IGF1R: variants seen among roughly 807,000 people sequenced by gnomAD.
The protein encoded by IGF1R is insulin-like growth factor 1 receptor.
In IGF1R, 44 loss-of-function variants were observed where a neutral mutation model predicts 144.6. The observed-to-expected ratio is 0.30, with a 90% confidence interval of 0.24 to 0.39. The LOEUF is 0.39. IGF1R is among the 10% of genes least tolerant of loss of function. The probability of loss-of-function intolerance (pLI) is 1.00; values close to 1 mark genes in which losing one functional copy is unlikely to be tolerated. For synonymous variants in IGF1R, 795 were observed against 722.8 expected (o/e 1.10, Z -1.60); for missense variants, 1,355 against 1,833.7 (o/e 0.74, Z 4.77).
At chr15:98,766,145 C>T (rs953507683) in intron 2 of IGF1R, among the ~76,000 whole-genome samples, 1 of 152,226 alleles carries the variant, frequency 6.6e-6, no homozygotes, top group Non-Finnish European at 1.5e-5. Context: ...GTCAAGTGTG[C>T]TTCATTCTTC....
intron 17 of IGF1R, among the ~76,000 whole-genome samples, chr15:98,937,247 G>A (rs528903551): frequency 2.6e-5 from 4 of 152,286 alleles, no homozygotes; most frequent in Admixed American, 2.6e-4. Flanking sequence ...ATAGGTGACT[G>A]GAGATCTGGC....
intron 2 of IGF1R, among the ~76,000 whole-genome samples, chr15:98,784,061 G>T (rs544422176): frequency 3.2e-5 from 4 of 123,864 alleles, no homozygotes; most frequent in African/African-American, 1.2e-4. Flanking sequence ...TGCAGCCTCT[G>T]GCTTCCGGGT....
chr15:98,903,309 AAAG>A (rs1245606882), intron 5 of IGF1R, among the ~76,000 whole-genome samples: 1 of 152,234 alleles, frequency 6.6e-6, no homozygotes, highest in African/African-American at 2.4e-5. Context: ...GTTGCCTTGA[AAAG>A]AAGAAGGAAA....
chr15:98,955,748 C>T (rs2016954119), intron 20 of IGF1R, among the ~76,000 whole-genome samples: 2 of 152,350 alleles, frequency 1.3e-5, no homozygotes, highest in South Asian at 4.1e-4. Context: ...GGGGCCTCCC[C>T]TTGGAATGTT....
chr15:98,840,639 C>A (rs942617250), intron 2 of IGF1R, among the ~76,000 whole-genome samples: 1 of 150,924 alleles, frequency 6.6e-6, no homozygotes, highest in Non-Finnish European at 1.5e-5. Context: ...GATGGGGTCT[C>A]ATTTTGTTGT....
intron 2 of IGF1R, among the ~76,000 whole-genome samples, chr15:98,734,990 CCTT>C (rs1228073983): frequency 2.0e-5 from 3 of 152,076 alleles, no homozygotes; most frequent in Non-Finnish European, 2.9e-5. Flanking sequence ...GTAGCGGTAT[CCTT>C]CTTATTTCTG....
intron 2 of IGF1R, among the ~76,000 whole-genome samples, chr15:98,864,271 A>T (rs987613817): frequency 6.6e-6 from 1 of 152,228 alleles, no homozygotes. Flanking sequence ...ATAGGCAAAC[A>T]TTACCAACAT....
At chr15:98,821,193 C>G (rs118076716) in intron 2 of IGF1R, among the ~76,000 whole-genome samples, 1 of 152,084 alleles carries the variant, frequency 6.6e-6, no homozygotes, top group Non-Finnish European at 1.5e-5. Flanking sequence ...TGGTGTGAGA[C>G]GCGCTACATT....
Position 98,915,853 on chromosome 15 carries a change from T to C in IGF1R, c.1829-111T>C, listed in dbSNP as rs1473566813. 1.0e-5 allele frequency: 10 copies of C among 955,318 alleles called. No individual in the cohort carries two copies. In the Admixed American group the frequency reaches 1.4e-4, roughly 13 times the overall value. 59.2% of individuals were successfully genotyped at this position (955,318 alleles called of 1,614,324 possible). ...CTTTGTATTTCATTGTTCATTGTTA[T>C]TTTCTTATCCAGGTCAAACTGGCAG... On this transcript the variant is annotated intron_variant, in intron 8 of 20. Coordinates refer to ENST00000650285, the MANE Select transcript of IGF1R (RefSeq NM_000875.5).
At chr15:98,770,924 G>A (rs1189162065) in intron 2 of IGF1R, among the ~76,000 whole-genome samples, 2 of 152,144 alleles carry the variant, frequency 1.3e-5, no homozygotes, top group Non-Finnish European at 2.9e-5. Flanking sequence ...AGAGACTTCT[G>A]ATCCCTAAAA....
chr15:98,904,450 G>A (rs1284323655), intron 5 of IGF1R, among the ~76,000 whole-genome samples: 1 of 152,180 alleles, frequency 6.6e-6, no homozygotes, highest in East Asian at 1.9e-4. Flanking sequence ...ATATCTGTAT[G>A]GTGCCTGGTT....
chr15:98,687,324 A>G (rs550165754), intron 1 of IGF1R, among the ~76,000 whole-genome samples: 2 of 152,278 alleles, frequency 1.3e-5, no homozygotes, highest in East Asian at 1.9e-4. Flanking sequence ...GGCGAGTGTT[A>G]AAGGCCTGGC....
chr15:98,747,661 A>C (rs1198907026), intron 2 of IGF1R, among the ~76,000 whole-genome samples: 2 of 152,120 alleles, frequency 1.3e-5, no homozygotes, highest in Admixed American at 6.6e-5. Context: ...GATTAGAAGG[A>C]GATTTGGAGA....
At chr15:98,884,852 T>A (rs2013561938) in intron 2 of IGF1R, among the ~76,000 whole-genome samples, 1 of 152,100 alleles carries the variant, frequency 6.6e-6, no homozygotes, top group Non-Finnish European at 1.5e-5. Context: ...GTATTTTTCC[T>A]CTTAAGAGTA....
At position 98,809,825 on chromosome 15, in the gene IGF1R, C is replaced by T. The variant is rs577725375; in HGVS notation, c.641-81500C>T. 3.3e-5 allele frequency among the ~76,000 whole-genome samples: 5 copies of T among 152,254 alleles called. No homozygotes were observed. The South Asian group carries it at 1.0e-3, about 32-fold the overall frequency. On this transcript the variant is annotated intron_variant, in intron 2 of 20. Transcript: ENST00000650285. Reference sequence around the variant, plus strand: ...TGGTTCCGGAGGGTTTCCCACTCTCCATCCTAGTTGCTAAAGTCACGTTCC... The same window carrying T: ...TGGTTCCGGAGGGTTTCCCACTCTCTATCCTAGTTGCTAAAGTCACGTTCC...
intron 2 of IGF1R, among the ~76,000 whole-genome samples, chr15:98,830,118 A>T (rs2056973296): frequency 6.6e-6 from 1 of 152,142 alleles, no homozygotes; most frequent in Admixed American, 6.5e-5. Context: ...CCTTCAGCAG[A>T]CCCTTCGAGA....
At chr15:98,866,436 G>C (rs186547870) in intron 2 of IGF1R, among the ~76,000 whole-genome samples, 1 of 152,248 alleles carries the variant, frequency 6.6e-6, no homozygotes, top group Non-Finnish European at 1.5e-5. Context: ...TCTGCAAATA[G>C]AGGGAATTTA....
Position 98,884,202 on chromosome 15 carries a change from G to A in IGF1R, c.641-7123G>A, listed in dbSNP as rs79882156. Among the ~76,000 whole-genome samples, 11 of 152,106 alleles carry A rather than the reference G, an allele frequency of 7.2e-5. No individual in the cohort carries two copies. In the East Asian group the frequency reaches 1.7e-3, roughly 24 times the overall value. ...TGCTGTGATCTCTCCTGGGTCCCCC[G>A]GGCATCCTCAGACCTCCCCCACACC... On this transcript the variant is annotated intron_variant, in intron 2 of 20. Transcript: ENST00000650285.
chr15:98,681,173 T>C (rs1214705635), intron 1 of IGF1R, among the ~76,000 whole-genome samples: 4 of 152,330 alleles, frequency 2.6e-5, no homozygotes, highest in African/African-American at 7.2e-5. Context: ...TCTTTAAGCC[T>C]CTGTAGCACT....
Sources: allele counts gnomAD v4.1 joint callset (sites outside exome capture counted in the v4.1 genomes callset), GRCh38; gene constraint gnomAD v4.1.1; transcripts MANE v1.5; gene names NCBI Gene and HGNC (gene_info 2026-07-23, HGNC 2026-07-21).